UNC13B: variants seen among roughly 807,000 people sequenced by gnomAD.
UNC13B encodes the protein protein unc-13 homolog B.
A neutral mutation model predicts 211.0 loss-of-function variants in UNC13B; 144 were observed. The ratio of observed to expected loss-of-function variants is 0.68; its 90% confidence interval spans 0.60 to 0.78. UNC13B has a LOEUF of 0.78. UNC13B is among the 30% of genes least tolerant of loss of function. The probability of loss-of-function intolerance (pLI) is 0.00; values close to 1 mark genes in which losing one functional copy is unlikely to be tolerated. For missense variants in UNC13B, 1,777 were observed against 2,002.0 expected (o/e 0.89, Z 2.14); for synonymous variants, 709 against 725.8 (o/e 0.98, Z 0.37).
intron 1 of UNC13B, among the ~76,000 whole-genome samples, chr9:35,165,619 A>G (rs1353038785): frequency 6.6e-6 from 1 of 151,722 alleles, no homozygotes; most frequent in Non-Finnish European, 1.5e-5. Context: ...GGGTTTCACC[A>G]TGTTGGCCAG....
chr9:35,288,850 T>C (rs1828934423), intron 7 of UNC13B, among the ~76,000 whole-genome samples: 1 of 152,218 alleles, frequency 6.6e-6, no homozygotes, highest in South Asian at 2.1e-4. Context: ...GGGCTCACAA[T>C]TGTGGTGAGA....
chr9:35,365,022 C>G (rs990024547), intron 11 of UNC13B, among the ~76,000 whole-genome samples: 3 of 152,266 alleles, frequency 2.0e-5, no homozygotes, highest in African/African-American at 7.2e-5. Flanking sequence ...CAGGCATTTC[C>G]TGCCTCTTGC....
intron 7 of UNC13B, among the ~76,000 whole-genome samples, chr9:35,267,739 AG>A (rs1335649405): frequency 6.6e-6 from 1 of 152,042 alleles, no homozygotes; most frequent in African/African-American, 2.4e-5. Flanking sequence ...GAGTCTCCAA[AG>A]GTTACTTTTG....
chr9:35,233,797 C>T (rs1295791694), intron 3 of UNC13B, among the ~76,000 whole-genome samples: 2 of 152,102 alleles, frequency 1.3e-5, no homozygotes, highest in Non-Finnish European at 2.9e-5. Flanking sequence ...CTGCTATACA[C>T]GTGTTTATGT....
At chr9:35,265,581 A>G (rs1827522845) in intron 7 of UNC13B, among the ~76,000 whole-genome samples, 1 of 152,228 alleles carries the variant, frequency 6.6e-6, no homozygotes, top group Admixed American at 6.5e-5. Context: ...AGAATGATCA[A>G]AATATTAACC....
intron 11 of UNC13B, among the ~76,000 whole-genome samples, chr9:35,334,260 C>T (rs979088764): frequency 2.6e-5 from 4 of 152,350 alleles, no homozygotes; most frequent in Non-Finnish European, 4.4e-5. Context: ...GCCACTGCAC[C>T]TAGCCCTGAT....
chr9:35,256,250 C>T (rs1220142451), intron 6 of UNC13B, among the ~76,000 whole-genome samples: 1 of 152,056 alleles, frequency 6.6e-6, no homozygotes, highest in Non-Finnish European at 1.5e-5. Flanking sequence ...GGATCTCATC[C>T]AGGATATTGC....
In UNC13B at chr9:35,301,875, C is replaced by A. The variant is rs1034258472; in HGVS notation, c.2471C>A (p.Thr824Asn). The change falls in exon 9 of 40, where the codon ACT becomes AAT. Residue 824 changes from threonine (T) to asparagine (N), a missense_variant. Transcript: ENST00000635942. ...FSQFLLTSPE[T>N]CSKESLSEPV... The stretch of plus-strand genomic sequence containing the variant: ...CAGTTTTTGCTCACTTCCCCTGAGA[C>A]TTGTTCAAAGGAAAGTTTGTCAGAA... 9 of 398,656 alleles carry A rather than the reference C, an allele frequency of 2.3e-5. No homozygotes were observed. Among genetic ancestry groups the A allele is most frequent in the Non-Finnish European group, 4.0e-5 (9 of 225,882 alleles). The allele number at this position is 398,656 out of a possible 1,614,324, so 24.7% of individuals were successfully genotyped here. A position where few individuals can be genotyped will look rare whatever the true frequency, so the allele number is the denominator to read the frequency against.
intron 1 of UNC13B, among the ~76,000 whole-genome samples, chr9:35,205,942 G>C (rs1435130944): frequency 6.6e-6 from 1 of 152,104 alleles, no homozygotes; most frequent in Non-Finnish European, 1.5e-5. Flanking sequence ...TCAGTACTTT[G>C]GGAGGCTGAG....
At chr9:35,287,138 CTT>C (rs35553171) in intron 7 of UNC13B, among the ~76,000 whole-genome samples, 8 of 142,614 alleles carry the variant, frequency 5.6e-5, no homozygotes, top group Non-Finnish European at 6.1e-5. Context: ...TTCTTTCTTT[CTT>C]TTTTTTTTTT....
At chr9:35,252,660 A>T (rs1182172222) in intron 6 of UNC13B, among the ~76,000 whole-genome samples, 1 of 151,738 alleles carries the variant, frequency 6.6e-6, no homozygotes, top group African/African-American at 2.4e-5. Flanking sequence ...ATTTGTCTAT[A>T]AAAAAAATTT....
intron 26 of UNC13B, among the ~76,000 whole-genome samples, chr9:35,392,809 TAAAGA>T (rs58459907): frequency 0.03 from 4,476 of 149,702 alleles, 224 homozygotes; most frequent in African/African-American, 0.11. Context: ...TAAAATAAAA[TAAAGA>T]AAAGGGTGAA....
In UNC13B at chr9:35,295,958, C is replaced by T. The variant is rs545372234; in HGVS notation, c.761+28C>T. 5 of 1,559,292 alleles carry T rather than the reference C, an allele frequency of 3.2e-6. No homozygotes were observed. In the Admixed American group the frequency reaches 5.7e-5, roughly 18 times the overall value. ...GGGTATTGAGCACAAAGTACTTTCT[C>T]TTCCTAATATCCAGGTCTCATGATG... is the stretch of plus-strand genomic sequence containing the variant. On this transcript the variant is annotated intron_variant, in intron 8 of 39. Coordinates refer to ENST00000635942, the MANE Select transcript of UNC13B (RefSeq NM_001371189.2).
At position 35,378,326 on chromosome 9, in the gene UNC13B, C is replaced by G; in HGVS notation, c.10095C>G (p.Asp3365Glu). 1 of 1,614,152 alleles carries G rather than the reference C, an allele frequency of 6.2e-7. No homozygotes were observed. The highest frequency in any genetic ancestry group is 8.5e-7 in the Non-Finnish European group (1 of 1,180,030). Residue 3365 changes from aspartate to glutamate, a missense_variant, in exon 17 of 40, where the codon GAC becomes GAG. Coordinates refer to ENST00000635942, the MANE Select transcript of UNC13B (RefSeq NM_001371189.2). ...VVCAQGLQAK[D>E]KTGSSDPYVT... ...GTGCCCAGGGCCTACAAGCCAAGGA[C>G]AAAACAGGATCCAGTGACCCTTACG...
In UNC13B at chr9:35,204,015, A is replaced by C. The variant is rs371765130; in HGVS notation, c.23-24000A>C. ...AAGAATGATTTTCTTGGCTAGGCCC[A>C]GGGCCTTGCTGCACTGCACAGCTCC... On this transcript the variant is annotated intron_variant, in intron 1 of 39. Transcript: ENST00000635942. Among the ~76,000 whole-genome samples the C allele has an allele frequency of 7.7e-4, 117 of 152,364 alleles. 2 individuals are homozygous for C. In the South Asian group the frequency reaches 0.019, roughly 25 times the overall value.
intron 30 of UNC13B, 22 bp from the exon 31 acceptor site, chr9:35,398,189 A>G (rs753392995): frequency 6.2e-7 from 1 of 1,608,364 alleles, no homozygotes; most frequent in East Asian, 2.2e-5. Context: ...CCAAGACTCA[A>G]CAGCTACATC....
chr9:35,293,055 A>G (rs905185556), intron 7 of UNC13B, among the ~76,000 whole-genome samples: 1 of 152,192 alleles, frequency 6.6e-6, no homozygotes, highest in African/African-American at 2.4e-5. Flanking sequence ...TTTTTAGGAA[A>G]ACTGGAGGTG....
At chr9:35,360,070 T>C (rs868580019) in intron 11 of UNC13B, among the ~76,000 whole-genome samples, 2 of 152,252 alleles carry the variant, frequency 1.3e-5, no homozygotes, top group African/African-American at 4.8e-5. Flanking sequence ...CTATATGTTC[T>C]TCCGAAAATA....
intron 11 of UNC13B, among the ~76,000 whole-genome samples, chr9:35,316,490 A>T (rs1346364133): frequency 1.3e-5 from 2 of 152,026 alleles, no homozygotes; most frequent in African/African-American, 4.8e-5. Flanking sequence ...TGAAAATGCT[A>T]TTATTTGTAT....
Sources: gnomAD v4.1 joint callset for allele counts (sites outside exome capture counted in the v4.1 genomes callset) on GRCh38, gnomAD v4.1.1 for gene constraint, MANE v1.5 for transcripts, NCBI Gene and HGNC (gene_info 2026-07-23, HGNC 2026-07-21) for gene names.